CARMIL1: variants seen among roughly 807,000 people sequenced by gnomAD.
CARMIL1 encodes the protein F-actin-uncapping protein LRRC16A.
Under a neutral mutation model 177.1 loss-of-function variants are expected in CARMIL1, and 90 were observed. The observed-to-expected ratio is 0.51, with a 90% CI of 0.43 to 0.61. The LOEUF (loss-of-function observed/expected upper bound fraction) is 0.61. CARMIL1 is among the 20% of genes least tolerant of loss of function. CARMIL1 has a pLI of 0.00. For missense variants in CARMIL1, 1,380 were observed against 1,667.0 expected, an observed-to-expected ratio of 0.83 and a Z score of 3.00; for synonymous variants, 577 against 606.2, an observed-to-expected ratio of 0.95 and a Z score of 0.71.
intron 2 of CARMIL1, among the ~76,000 whole-genome samples, chr6:25,353,706 T>G (rs1295294975): frequency 6.6e-6 from 1 of 152,244 alleles, no homozygotes; most frequent in Middle Eastern, 3.4e-3. Flanking sequence ...ACTTTGTACG[T>G]TTCTCTTAGA....
intron 2 of CARMIL1, among the ~76,000 whole-genome samples, chr6:25,309,077 A>G (rs1370879338): frequency 1.3e-5 from 2 of 152,084 alleles, no homozygotes; most frequent in African/African-American, 2.4e-5. Context: ...AAATGGAGAC[A>G]GGGTCTCACT....
chr6:25,390,310 A>ATTTT (rs1792634342), intron 2 of CARMIL1, among the ~76,000 whole-genome samples: 3 of 38,636 alleles, frequency 7.8e-5, no homozygotes, highest in Non-Finnish European at 1.2e-4. Context: ...ATATATATAT[A>ATTTT]TATATATATA....
At chr6:25,292,695 G>C (rs1312515224) in intron 2 of CARMIL1, among the ~76,000 whole-genome samples, 1 of 152,080 alleles carries the variant, frequency 6.6e-6, no homozygotes, top group South Asian at 2.1e-4. Flanking sequence ...CATACACCAG[G>C]CTCGGTGTAA....
In CARMIL1 at chr6:25,509,512, A is replaced by G; in HGVS notation, c.1396-144A>G. On this transcript the variant is annotated intron_variant, in intron 17 of 36. Transcript: ENST00000329474. The surrounding 1 kb of genome is among the most constrained non-coding windows in gnomAD (Gnocchi z 4.1). ...GATAGGCTCTTTACCCACTGATAATAGCTTCTTTGGAGTTGATAAGCTTTT... is the reference window on the plus strand; with the variant it reads ...GATAGGCTCTTTACCCACTGATAATGGCTTCTTTGGAGTTGATAAGCTTTT... The G allele has an allele frequency of 4.7e-6, 3 of 635,304 alleles. No individual in the cohort carries two copies. Among genetic ancestry groups the G allele is most frequent in the Non-Finnish European group, 8.3e-6 (3 of 361,868 alleles). The allele number at this position is 635,304 out of a possible 1,614,324, so 39.4% of individuals were successfully genotyped here. A position where few individuals can be genotyped will look rare whatever the true frequency, so the allele number is the denominator to read the frequency against.
rs144203942 is a variant in CARMIL1 at position 25,520,613 on chromosome 6, T to C, written c.1968+276T>C. Among the ~76,000 whole-genome samples the C allele has an allele frequency of 2.9e-3, 441 of 152,290 alleles. 4 individuals are homozygous for C. Among genetic ancestry groups the C allele is most frequent in the African/African-American group, 9.6e-3 (398 of 41,552 alleles). On this transcript the variant is annotated intron_variant, in intron 23 of 36. Coordinates refer to ENST00000329474, the MANE Select transcript of CARMIL1 (RefSeq NM_017640.6). ...CCAGAGCTTAAGTATAGTTAACTTC[T>C]TGATTGGCTGGGGGAGAAATGTGTG...
intron 29 of CARMIL1, 117 bp downstream of exon 29, chr6:25,556,967 C>T (rs1810682208): frequency 9.6e-7 from 1 of 1,041,278 alleles, no homozygotes. Flanking sequence ...CTGTCCCCAC[C>T]CTCAGACAAT....
chr6:25,352,666 C>T (rs1788223864), intron 2 of CARMIL1, among the ~76,000 whole-genome samples: 1 of 152,214 alleles, frequency 6.6e-6, no homozygotes, highest in South Asian at 2.1e-4. Flanking sequence ...CTACGGGTGT[C>T]ATTCTCTGCT....
intron 24 of CARMIL1, among the ~76,000 whole-genome samples, chr6:25,533,003 C>G (rs745834982): frequency 3.3e-5 from 5 of 151,980 alleles, no homozygotes; most frequent in Non-Finnish European, 7.4e-5. Flanking sequence ...TTCTCTTTAG[C>G]CTTCTCACCA....
chr6:25,525,733 G>A (rs963342866), intron 23 of CARMIL1, among the ~76,000 whole-genome samples: 9 of 152,124 alleles, frequency 5.9e-5, no homozygotes, highest in Admixed American at 2.0e-4. Context: ...TCAATATAGC[G>A]TTATTTGAAA....
chr6:25,563,209 A>G (rs1811283808), intron 29 of CARMIL1: 1 of 985,238 alleles, frequency 1.0e-6, no homozygotes, highest in Non-Finnish European at 1.2e-6. Flanking sequence ...TAGAAACCTC[A>G]TGCTTTTCAA....
chr6:25,358,460 A>G lies in CARMIL1; in HGVS notation c.139-61654A>G, dbSNP rs952560190. 2.0e-5 allele frequency among the ~76,000 whole-genome samples: 3 copies of G among 152,318 alleles called. No homozygotes were observed. The South Asian group carries it at 6.2e-4, about 32-fold the overall frequency. On this transcript the variant is annotated intron_variant, in intron 2 of 36. Transcript: ENST00000329474. The stretch of plus-strand genomic sequence containing the variant: ...TTTATGTGATGCATAAAAAATATAT[A>G]GAGTTTTCTATTGTTTTGGGGGTGG...
At chr6:25,523,666 A>G (rs1456867805) in intron 23 of CARMIL1, among the ~76,000 whole-genome samples, 1 of 152,224 alleles carries the variant, frequency 6.6e-6, no homozygotes, top group Non-Finnish European at 1.5e-5. Context: ...CCATCCTCAC[A>G]ACAACAAAAA....
chr6:25,413,050 T>C (rs1018976045), intron 2 of CARMIL1, among the ~76,000 whole-genome samples: 3 of 152,154 alleles, frequency 2.0e-5, no homozygotes, highest in Non-Finnish European at 4.4e-5. Flanking sequence ...TTTATTCTCC[T>C]TCAGTTTTCT....
intron 31 of CARMIL1, among the ~76,000 whole-genome samples, chr6:25,591,612 A>G (rs1814311719): frequency 6.6e-6 from 1 of 152,222 alleles, no homozygotes; most frequent in Non-Finnish European, 1.5e-5. Flanking sequence ...AGGAGCTGAA[A>G]CAGCATGTAC....
At chr6:25,499,433 G>A (rs2151018026) in intron 16 of CARMIL1, among the ~76,000 whole-genome samples, 1 of 152,320 alleles carries the variant, frequency 6.6e-6, no homozygotes, top group South Asian at 2.1e-4. Flanking sequence ...GTGTGTGCAT[G>A]TGTGAATTTT....
intron 2 of CARMIL1, among the ~76,000 whole-genome samples, chr6:25,404,854 A>AG (rs35832569): frequency 0.44 from 67,456 of 151,732 alleles, 15,271 homozygotes; most frequent in Middle Eastern, 0.6. Flanking sequence ...GGCAAAGTGC[A>AG]GGGGAAAGGA....
chr6:25,592,528 C>T (rs898382762), intron 31 of CARMIL1, among the ~76,000 whole-genome samples: 6 of 152,138 alleles, frequency 3.9e-5, no homozygotes, highest in African/African-American at 1.4e-4. Flanking sequence ...TATAAAGCAC[C>T]ATTCAGATGA....
At chr6:25,321,975 A>G (rs1011070841) in intron 2 of CARMIL1, among the ~76,000 whole-genome samples, 1 of 151,576 alleles carries the variant, frequency 6.6e-6, no homozygotes, top group Middle Eastern at 3.4e-3. Flanking sequence ...TTTGTTTTTT[A>G]AAGAGACCAG....
At chr6:25,609,684 T>A (rs1056121505) in intron 35 of CARMIL1, among the ~76,000 whole-genome samples, 1 of 152,206 alleles carries the variant, frequency 6.6e-6, no homozygotes, top group Non-Finnish European at 1.5e-5. Context: ...TGACAACAGG[T>A]AAAGGCAGTG....
Sources: allele counts gnomAD v4.1 joint callset (sites outside exome capture counted in the v4.1 genomes callset), GRCh38; gene constraint gnomAD v4.1.1; non-coding constraint Gnocchi (gnomAD v3.1); transcripts MANE v1.5; gene names NCBI Gene and HGNC (gene_info 2026-07-23, HGNC 2026-07-21).